TSPAN7: variants seen among roughly 807,000 people sequenced by gnomAD.
TSPAN7 encodes tetraspanin 7.
In TSPAN7, 1 loss-of-function variant was observed where a neutral mutation model predicts 17.6. The observed-to-expected ratio is 0.06, with a 90% CI of 0.02 to 0.27. The LOEUF (loss-of-function observed/expected upper bound fraction) is 0.27, where lower values mean the gene tolerates loss of function less well. Ranked by LOEUF, TSPAN7 falls within the 10% of genes least tolerant of loss-of-function variation. TSPAN7 has a pLI of 1.00. For synonymous variants in TSPAN7, 78 were observed against 79.0 expected (o/e 0.99, Z 0.07); for missense variants, 112 against 201.7 (o/e 0.56, Z 2.69).
chrX:38,620,562 T>C (rs915849854), intron 1 of TSPAN7, among the ~76,000 whole-genome samples: 3 of 111,223 alleles, frequency 2.7e-5, no homozygotes, highest in African/African-American at 9.8e-5. Flanking sequence ...GGAGAAAAGG[T>C]ATGAAAGGGA....
intron 1 of TSPAN7, among the ~76,000 whole-genome samples, chrX:38,583,080 C>G (rs966436542): frequency 8.9e-6 from 1 of 112,254 alleles, no homozygotes; most frequent in African/African-American, 3.2e-5. Flanking sequence ...AAAACAATCT[C>G]ATAAAGCCAG....
At chrX:38,589,206 G>A (rs1180583747) in intron 1 of TSPAN7, among the ~76,000 whole-genome samples, 1 of 111,871 alleles carries the variant, frequency 8.9e-6, no homozygotes, top group Non-Finnish European at 1.9e-5. Flanking sequence ...TTCAAAACCT[G>A]GGGTGTGAGA....
intron 1 of TSPAN7, among the ~76,000 whole-genome samples, chrX:38,624,012 A>T (rs1464175326): frequency 9.5e-6 from 1 of 105,645 alleles, no homozygotes; most frequent in Non-Finnish European, 1.9e-5. Flanking sequence ...TATTTTAAGG[A>T]TGAGGAAACA....
At chrX:38,659,001 TACACAC>T (rs71903430) in intron 1 of TSPAN7, among the ~76,000 whole-genome samples, 3,653 of 95,946 alleles carry the variant, frequency 0.038, 172 homozygotes, top group African/African-American at 0.12. Context: ...TTATCTTCCA[TACACAC>T]ACACACACAC....
chrX:38,657,564 G>A (rs2069711958), intron 1 of TSPAN7, among the ~76,000 whole-genome samples: 1 of 111,687 alleles, frequency 9.0e-6, no homozygotes, highest in Non-Finnish European at 1.9e-5. Context: ...TTTGGCATCT[G>A]AGCTAACAGT....
chrX:38,656,323 T>C (rs2069704526), intron 1 of TSPAN7, among the ~76,000 whole-genome samples: 1 of 112,181 alleles, frequency 8.9e-6, no homozygotes, highest in Admixed American at 9.4e-5. Context: ...GGCTCTTGTT[T>C]ATAAGCTTAT....
chrX:38,674,738 G>A (rs2069842314), intron 4 of TSPAN7, among the ~76,000 whole-genome samples: 1 of 110,738 alleles, frequency 9.0e-6, no homozygotes, highest in Admixed American at 9.6e-5. Flanking sequence ...GGCATAGAGT[G>A]GACCTAGAAG....
intron 1 of TSPAN7, among the ~76,000 whole-genome samples, chrX:38,635,071 A>G (rs1288622489): frequency 9.0e-6 from 1 of 111,000 alleles, no homozygotes; most frequent in African/African-American, 3.3e-5. Flanking sequence ...CCAGGCAGTG[A>G]ACTTGAATAC....
chrX:38,658,608 A>C (rs2069719536), intron 1 of TSPAN7, among the ~76,000 whole-genome samples: 2 of 111,430 alleles, frequency 1.8e-5, no homozygotes, highest in Non-Finnish European at 3.8e-5. Flanking sequence ...GTCTTCCAGC[A>C]TTGTCCTCTC....
Position 38,682,253 on chromosome X carries a change from GCTAT to G in TSPAN7, c.681+969_681+972del, listed in dbSNP as rs58512585. 9.0e-5 allele frequency among the ~76,000 whole-genome samples: 10 copies of G among 111,680 alleles called. 1 individual carries two copies. The East Asian group carries it at 2.8e-3, about 31-fold the overall frequency. ...AACCACAACTCTAATTTCTACATAG[GCTAT>G]CTCAGACTCTAATTACTTTTTCCCT... On this transcript the variant is annotated intron_variant, in intron 6 of 7. Transcript: ENST00000378482.
intron 1 of TSPAN7, among the ~76,000 whole-genome samples, chrX:38,596,728 A>C (rs2069320651): frequency 9.0e-6 from 1 of 111,384 alleles, no homozygotes; most frequent in African/African-American, 3.3e-5. Context: ...ATTCACGGGC[A>C]CACTAAAGTT....
At chrX:38,653,646 A>G (rs1391404116) in intron 1 of TSPAN7, among the ~76,000 whole-genome samples, 1 of 112,734 alleles carries the variant, frequency 8.9e-6, no homozygotes, top group Non-Finnish European at 1.9e-5. Flanking sequence ...GTCGACATAC[A>G]CATGAAGATA....
At chrX:38,646,158 C>A in intron 1 of TSPAN7, 1 of 757,220 alleles carries the variant, frequency 1.3e-6, no homozygotes, top group East Asian at 3.7e-5. Context: ...AAAAAAAAAC[C>A]TGTAAATACA....
chrX:38,636,799 C>T (rs182623061), intron 1 of TSPAN7, among the ~76,000 whole-genome samples: 160 of 110,847 alleles, frequency 1.4e-3, no homozygotes, highest in African/African-American at 4.9e-3. Flanking sequence ...CCTCAGCCTC[C>T]GGAGTAGCTG....
At chrX:38,595,049 A>G (rs923866927) in intron 1 of TSPAN7, among the ~76,000 whole-genome samples, 6 of 111,218 alleles carry the variant, frequency 5.4e-5, no homozygotes, top group African/African-American at 2.0e-4. Flanking sequence ...GTTGCTTCCA[A>G]TATTTTGTAA....
At chrX:38,635,178 A>G (rs776136808) in intron 1 of TSPAN7, among the ~76,000 whole-genome samples, 2 of 111,571 alleles carry the variant, frequency 1.8e-5, no homozygotes, top group East Asian at 2.8e-4. Context: ...GAATACTTCT[A>G]TGACATAACT....
At chrX:38,669,834 A>G (rs2069808769) in intron 2 of TSPAN7, among the ~76,000 whole-genome samples, 1 of 112,148 alleles carries the variant, frequency 8.9e-6, no homozygotes, top group Non-Finnish European at 1.9e-5. Context: ...ACAGAGATAA[A>G]TGCCCTTTCT....
At chrX:38,569,062 G>A (rs919819953) in intron 1 of TSPAN7, among the ~76,000 whole-genome samples, 1 of 110,926 alleles carries the variant, frequency 9.0e-6, no homozygotes, top group Non-Finnish European at 1.9e-5. Flanking sequence ...TCTGTTTTCT[G>A]GCATATTACA....
At chrX:38,608,040 A>G (rs1297334743) in intron 1 of TSPAN7, among the ~76,000 whole-genome samples, 1 of 110,537 alleles carries the variant, frequency 9.0e-6, no homozygotes, top group Non-Finnish European at 1.9e-5. Context: ...GCCTTTAGGA[A>G]ATATGGGAGA....
Sources: gnomAD v4.1 joint callset for allele counts (sites outside exome capture counted in the v4.1 genomes callset) on GRCh38, gnomAD v4.1.1 for gene constraint, MANE v1.5 for transcripts, NCBI Gene and HGNC (gene_info 2026-07-23, HGNC 2026-07-21) for gene names.